Variants in OTOGL observed in about 807,000 individuals in gnomAD.
OTOGL encodes the protein otogelin-like protein.
A neutral mutation model predicts 318.5 loss-of-function variants in OTOGL; 285 were observed. The ratio of observed to expected loss-of-function variants is 0.89; its 90% CI spans 0.81 to 0.99. The LOEUF is 0.99. Among genes scored for constraint, OTOGL ranks in the 50% least tolerant of loss-of-function variants. The pLI is 0.00. For synonymous variants in OTOGL, 987 were observed against 936.5 expected, an observed-to-expected ratio of 1.05 and a Z score of -0.99; for missense variants, 2,899 against 2,845.6, an observed-to-expected ratio of 1.02 and a Z score of -0.43.
chr12:80,112,279 T>C (rs1393568725), intron 1 of OTOGL, among the ~76,000 whole-genome samples: 2 of 152,312 alleles, frequency 1.3e-5, no homozygotes, highest in South Asian at 2.1e-4. Context: ...TCCAGTACTA[T>C]GTGAAATAGA....
chr12:80,251,588 G>A (rs986973430), intron 11 of OTOGL, 105 bp from the exon 12 acceptor site: 21 of 742,346 alleles, frequency 2.8e-5, no homozygotes, highest in Admixed American at 1.4e-4. Context: ...AATTAACATC[G>A]GAGTATTCAT....
At chr12:80,211,218 C>T (rs538526371) in intron 3 of OTOGL, among the ~76,000 whole-genome samples, 47 of 151,820 alleles carry the variant, frequency 3.1e-4, no homozygotes, top group African/African-American at 1.1e-3. Context: ...TTATCCTTTA[C>T]ATTATTATTA....
chr12:80,273,058 A>G (rs1247192985), intron 24 of OTOGL, among the ~76,000 whole-genome samples: 1 of 152,094 alleles, frequency 6.6e-6, no homozygotes, highest in African/African-American at 2.4e-5. Flanking sequence ...TTGAGCTATT[A>G]TCTTTTAAAA....
At position 80,353,492 on chromosome 12, in the gene OTOGL, A is replaced by C; in HGVS notation, c.5575A>C (p.Ile1859Leu). ...ILHRPHSAQC[I>L]PEKECACTDS... is the part of the protein sequence containing the mutation. ...TCACAGGCCACATTCAGCCCAGTGCATTCCAGAGAAAGAGTGTGGTAAGAC... is the reference window on the plus strand; with the variant it reads ...TCACAGGCCACATTCAGCCCAGTGCCTTCCAGAGAAAGAGTGTGGTAAGAC... Residue 1859 changes from isoleucine to leucine, a missense_variant, in exon 46 of 59, where the codon ATT (isoleucine) becomes CTT (leucine). Physicochemically the swap from Ile to Leu is conservative, Grantham distance 5. Around this residue, in one of 3 missense-constraint regions of OTOGL, gnomAD observed 2,607 missense variants for 2,524.9 expected, o/e 1.03. Transcript: ENST00000547103. The C allele has an allele frequency of 6.3e-7, 1 of 1,576,264 alleles. No individual in the cohort carries two copies. Among genetic ancestry groups the C allele is most frequent in the Non-Finnish European group, 8.6e-7 (1 of 1,161,090 alleles).
intron 55 of OTOGL, among the ~76,000 whole-genome samples, chr12:80,370,353 G>A (rs1156395188): frequency 6.6e-6 from 1 of 151,804 alleles, no homozygotes; most frequent in Non-Finnish European, 1.5e-5. Context: ...CTATACATAT[G>A]TATGTATTTT....
intron 1 of OTOGL, among the ~76,000 whole-genome samples, chr12:80,157,893 G>C (rs1401268141): frequency 2.6e-5 from 4 of 151,976 alleles, no homozygotes; most frequent in Non-Finnish European, 1.5e-5. Context: ...CTAATTCCTT[G>C]AATCAATTTC....
At chr12:80,363,299 A>G (rs191124168) in intron 52 of OTOGL, among the ~76,000 whole-genome samples, 52 of 152,318 alleles carry the variant, frequency 3.4e-4, no homozygotes, top group African/African-American at 1.2e-3. Context: ...AGGAGATGGA[A>G]AGAGTCCTGT....
At chr12:80,372,765 T>C (rs1303354228) in intron 57 of OTOGL, among the ~76,000 whole-genome samples, 1 of 152,052 alleles carries the variant, frequency 6.6e-6, no homozygotes, top group Non-Finnish European at 1.5e-5. Context: ...CTTAGCTCAC[T>C]GCAACCTCTT....
chr12:80,165,825 G>T (rs888140712), intron 1 of OTOGL, among the ~76,000 whole-genome samples: 2 of 152,160 alleles, frequency 1.3e-5, no homozygotes, highest in Non-Finnish European at 2.9e-5. Flanking sequence ...CAGTCCTGAG[G>T]TGCTTCATCA....
intron 1 of OTOGL, among the ~76,000 whole-genome samples, chr12:80,122,859 T>G (rs948065734): frequency 1.3e-5 from 2 of 152,128 alleles, no homozygotes; most frequent in Non-Finnish European, 2.9e-5. Context: ...CTCTGCAAGT[T>G]GAGTCCTTGC....
rs1202557685 is a variant in OTOGL, at chr12:80,145,464, T to C, written c.-20+45859T>C. 2.0e-5 allele frequency among the ~76,000 whole-genome samples: 3 copies of C among 152,210 alleles called. No individual in the cohort carries two copies. In the East Asian group the frequency reaches 5.8e-4, roughly 29 times the overall value. Reference sequence around the variant, plus strand: ...CATGCTGTTTTGGTTACTGTAGCCTTCTAGTATAGTTTGAAGTCAGGTAGT... The same window carrying C: ...CATGCTGTTTTGGTTACTGTAGCCTCCTAGTATAGTTTGAAGTCAGGTAGT... On this transcript the variant is annotated intron_variant, in intron 1 of 58. Coordinates refer to ENST00000547103, the MANE Select transcript of OTOGL (RefSeq NM_001378609.3).
chr12:80,372,283 G>C (rs1372074128), intron 57 of OTOGL, among the ~76,000 whole-genome samples: 2 of 151,920 alleles, frequency 1.3e-5, no homozygotes, highest in Non-Finnish European at 2.9e-5. Flanking sequence ...TAATAATTTT[G>C]TAAATTAGTC....
At chr12:80,115,050 T>G (rs1870078654) in intron 1 of OTOGL, among the ~76,000 whole-genome samples, 1 of 152,028 alleles carries the variant, frequency 6.6e-6, no homozygotes, top group African/African-American at 2.4e-5. Flanking sequence ...GGTTAGAACA[T>G]GCAAGCTCAG....
At chr12:80,325,482 A>G (rs1267505862) in intron 35 of OTOGL, among the ~76,000 whole-genome samples, 1 of 152,232 alleles carries the variant, frequency 6.6e-6, no homozygotes, top group African/African-American at 2.4e-5. Flanking sequence ...CAACCGAGGC[A>G]CAGAGAAGCT....
At chr12:80,134,770 C>T (rs958942031) in intron 1 of OTOGL, among the ~76,000 whole-genome samples, 10 of 152,176 alleles carry the variant, frequency 6.6e-5, no homozygotes, top group African/African-American at 2.4e-4. Flanking sequence ...TCATTATGCT[C>T]TTTGTCTATG....
chr12:80,354,223 TTTCCTCTTCATATTTTA>T (rs1387308420), intron 46 of OTOGL, among the ~76,000 whole-genome samples: 3 of 151,948 alleles, frequency 2.0e-5, no homozygotes, highest in African/African-American at 7.3e-5. Context: ...ATAAAGGGAG[TTTCCTCTTCATATTTTA>T]TTCCTCTTCA....
intron 55 of OTOGL, among the ~76,000 whole-genome samples, 179 bp downstream of exon 55, chr12:80,368,488 G>A (rs1890692606): frequency 6.6e-6 from 1 of 151,520 alleles, no homozygotes; most frequent in East Asian, 1.9e-4. Flanking sequence ...AATTTATGTT[G>A]TAAAGAAAAA....
chr12:80,282,384 T>C (rs1376390681), intron 26 of OTOGL, among the ~76,000 whole-genome samples: 3 of 151,888 alleles, frequency 2.0e-5, no homozygotes, highest in Non-Finnish European at 2.9e-5. Context: ...TAAGGAAGGT[T>C]CTTGCTTATG....
chr12:80,146,187 T>C (rs981083898), intron 1 of OTOGL, among the ~76,000 whole-genome samples: 3 of 148,026 alleles, frequency 2.0e-5, no homozygotes, highest in Non-Finnish European at 2.9e-5. Context: ...TGATATTGGC[T>C]GTGGGTTTGT....
Sources: allele counts gnomAD v4.1 joint callset (sites outside exome capture counted in the v4.1 genomes callset), GRCh38; gene constraint gnomAD v4.1.1; regional missense constraint gnomAD v4.1.1; transcripts MANE v1.5; gene names NCBI Gene and HGNC (gene_info 2026-07-23, HGNC 2026-07-21).